The following IQGAP2 variants were observed in gnomAD, a reference collection of about 807,000 sequenced individuals.
IQGAP2 encodes IQ motif containing GTPase activating protein 2, also known as ras GTPase-activating-like protein IQGAP2.
In IQGAP2, 173 loss-of-function variants were observed where a neutral mutation model predicts 201.3. The ratio of observed to expected loss-of-function variants is 0.86; its 90% CI spans 0.76 to 0.98. The LOEUF (loss-of-function observed/expected upper bound fraction) is 0.98. IQGAP2 is among the 50% of genes least tolerant of loss of function. The pLI is 0.00. For missense variants in IQGAP2, 1,687 were observed against 1,864.8 expected (o/e 0.90, Z 1.76); for synonymous variants, 675 against 673.9 (o/e 1.00, Z -0.03).
intron 1 of IQGAP2, among the ~76,000 whole-genome samples, chr5:76,409,010 C>A (rs1221921554): frequency 6.6e-6 from 1 of 151,900 alleles, no homozygotes; most frequent in East Asian, 1.9e-4. Flanking sequence ...TCAGGCTGGT[C>A]TCGAACTTCC....
At chr5:76,694,311 A>G (rs1016537185) in intron 31 of IQGAP2, among the ~76,000 whole-genome samples, 8 of 152,164 alleles carry the variant, frequency 5.3e-5, no homozygotes, top group African/African-American at 1.9e-4. Flanking sequence ...GCAAAACTTC[A>G]AATCACACGT....
intron 1 of IQGAP2, among the ~76,000 whole-genome samples, chr5:76,420,558 G>A (rs1226760855): frequency 4.6e-5 from 7 of 151,948 alleles, no homozygotes; most frequent in Non-Finnish European, 1.0e-4. Flanking sequence ...TGGATTTTTA[G>A]TATAGATGGG....
At chr5:76,579,182 A>G (rs916594928) in intron 5 of IQGAP2, among the ~76,000 whole-genome samples, 1 of 152,170 alleles carries the variant, frequency 6.6e-6, no homozygotes, top group African/African-American at 2.4e-5. Context: ...GACCCATACT[A>G]CAAGTTTCAC....
At chr5:76,637,643 G>A (rs537984387) in intron 16 of IQGAP2, among the ~76,000 whole-genome samples, 2 of 152,342 alleles carry the variant, frequency 1.3e-5, no homozygotes, top group East Asian at 3.9e-4. Context: ...CTCCAGGACA[G>A]CTTCGGAAGC....
intron 13 of IQGAP2, chr5:76,623,104 G>T: frequency 6.6e-7 from 1 of 1,507,338 alleles, no homozygotes; most frequent in Non-Finnish European, 9.2e-7. Context: ...CCTAGGTTCA[G>T]TTGACTCTTA....
rs186691225 is a variant in IQGAP2, at chr5:76,501,064, A to G, written c.146+39395A>G. 2.2e-3 allele frequency among the ~76,000 whole-genome samples: 332 copies of G among 151,418 alleles called. 1 individual carries two copies. The highest frequency in any genetic ancestry group is 7.9e-3 in the African/African-American group (322 of 40,694). On this transcript the variant is annotated intron_variant, in intron 2 of 35. Transcript: ENST00000274364. The stretch of plus-strand genomic sequence containing the variant: ...ACCGTGTACATTTAAGGAATTGACC[A>G]TTAAATGTGATGATGACGTTATGGG...
chr5:76,619,514 C>CCTTTTTTTTTTTTTTTTTTTT lies in IQGAP2; in HGVS notation c.1522-7896_1522-7895insCTTTTTTTTTTTTTTTTTTTT, dbSNP rs1561518620. ...CAGATCTAACTTAGTTAAGGATCTT[C>CCTTTTTTTTTTTTTTTTTTTT]TTTTTTTTTTTTTTTTTTTTTTGAG... On this transcript the variant is annotated intron_variant, in intron 13 of 35. Transcript: ENST00000274364. Among the ~76,000 whole-genome samples, 2 of 104,266 alleles carry CCTTTTTTTTTTTTTTTTTTTT rather than the reference C, an allele frequency of 1.9e-5. 1 individual carries two copies. 68.4% of individuals were successfully genotyped at this position (104,266 alleles called of 152,430 possible).
chr5:76,508,276 G>A (rs79038343), intron 2 of IQGAP2, among the ~76,000 whole-genome samples: 2,465 of 151,954 alleles, frequency 0.016, 52 homozygotes, highest in East Asian at 0.099. Flanking sequence ...CCGAGATCTC[G>A]CCACTGCACT....
Position 76,436,382 on chromosome 5 carries a change from G to C in IQGAP2, c.47-25188G>C, listed in dbSNP as rs114999182. The stretch of plus-strand genomic sequence containing the variant: ...TCATATATGACTTTTATTATTTTGA[G>C]ATATATCCCTTCTATGCCTGATTTG... On this transcript the variant is annotated intron_variant, in intron 1 of 35. Coordinates refer to ENST00000274364, the MANE Select transcript of IQGAP2 (RefSeq NM_006633.5). Among the ~76,000 whole-genome samples the C allele has an allele frequency of 3.7e-3, 541 of 146,606 alleles. 1 individual carries two copies. Among genetic ancestry groups the C allele is most frequent in the Non-Finnish European group, 6.0e-3 (400 of 66,902 alleles).
chr5:76,486,701 C>A (rs1756164575), intron 2 of IQGAP2, among the ~76,000 whole-genome samples: 2 of 152,114 alleles, frequency 1.3e-5, no homozygotes, highest in Admixed American at 1.3e-4. Context: ...AAAGTGACAA[C>A]ACCCATGTAA....
intron 2 of IQGAP2, among the ~76,000 whole-genome samples, chr5:76,519,885 G>A (rs933996197): frequency 2.6e-5 from 4 of 151,910 alleles, no homozygotes; most frequent in South Asian, 2.1e-4. Flanking sequence ...TTTAAAATTC[G>A]GCTTTCTTAT....
intron 5 of IQGAP2, among the ~76,000 whole-genome samples, chr5:76,584,453 C>T (rs1746101873): frequency 6.6e-6 from 1 of 152,110 alleles, no homozygotes; most frequent in South Asian, 2.1e-4. Flanking sequence ...GATCACAGCC[C>T]ACAAAACGCT....
At chr5:76,480,113 T>C (rs1027076526) in intron 2 of IQGAP2, among the ~76,000 whole-genome samples, 1 of 152,090 alleles carries the variant, frequency 6.6e-6, no homozygotes, top group Non-Finnish European at 1.5e-5. Context: ...AGGTGGGGGC[T>C]GGGCAGGGAG....
chr5:76,706,255 A>G (rs920364918), intron 35 of IQGAP2, among the ~76,000 whole-genome samples: 2 of 152,180 alleles, frequency 1.3e-5, no homozygotes. Context: ...AGGAGTTCTA[A>G]TATTCTTTTT....
chr5:76,626,270 C>T (rs200733151), intron 13 of IQGAP2, among the ~76,000 whole-genome samples: 174 of 83,600 alleles, frequency 2.1e-3, no homozygotes, highest in South Asian at 3.4e-3. Flanking sequence ...TTCTTCTTTT[C>T]TTTTTTTTTT....
chr5:76,654,177 T>C, intron 18 of IQGAP2, 23 bp from the exon 19 acceptor site: 1 of 1,552,066 alleles, frequency 6.4e-7, no homozygotes, highest in Non-Finnish European at 8.8e-7. Context: ...TGTTGTACTT[T>C]TCTATTTTTT....
intron 12 of IQGAP2, among the ~76,000 whole-genome samples, chr5:76,610,195 C>T (rs1201207726): frequency 2.4e-5 from 3 of 124,626 alleles, no homozygotes; most frequent in African/African-American, 9.3e-5. Context: ...TGCAGTGGTG[C>T]AATCTTGGCT....
intron 2 of IQGAP2, among the ~76,000 whole-genome samples, chr5:76,500,679 A>G (rs1353489156): frequency 6.6e-6 from 1 of 152,062 alleles, no homozygotes; most frequent in African/African-American, 2.4e-5. Context: ...TCTAGAATCA[A>G]GTTAGTTCTG....
At chr5:76,581,626 C>T (rs965128110) in intron 5 of IQGAP2, among the ~76,000 whole-genome samples, 1 of 152,226 alleles carries the variant, frequency 6.6e-6, no homozygotes, top group Non-Finnish European at 1.5e-5. Context: ...CTTGTTACTT[C>T]ATACAGCTTA....
Sources: gnomAD v4.1 joint callset for allele counts (sites outside exome capture counted in the v4.1 genomes callset) on GRCh38, gnomAD v4.1.1 for gene constraint, MANE v1.5 for transcripts, NCBI Gene and HGNC (gene_info 2026-07-23, HGNC 2026-07-21) for gene names.